Variants in PPARG observed in about 807,000 individuals in gnomAD.
PPARG encodes peroxisome proliferator-activated receptor gamma.
PPARG carries 17 observed loss-of-function variants against 39.2 expected under a neutral mutation model. The ratio of observed to expected loss-of-function variants is 0.43; its 90% CI spans 0.30 to 0.65. The LOEUF (loss-of-function observed/expected upper bound fraction) is 0.65. PPARG is among the 30% of genes least tolerant of loss of function. The probability of loss-of-function intolerance (pLI) is 0.13; values close to 1 mark genes in which losing one functional copy is unlikely to be tolerated. For missense variants in PPARG, 406 were observed against 585.9 expected, an observed-to-expected ratio of 0.69 and a Z score of 3.17; for synonymous variants, 223 against 215.7, an observed-to-expected ratio of 1.03 and a Z score of -0.30.
intron 1 of PPARG, among the ~76,000 whole-genome samples, chr3:12,312,115 C>A (rs1436843273): frequency 2.0e-5 from 3 of 152,170 alleles, no homozygotes; most frequent in Non-Finnish European, 4.4e-5. Flanking sequence ...TGAAGTGATT[C>A]TAATAGATGT....
At chr3:12,373,002 G>T (rs1261120382) in intron 2 of PPARG, among the ~76,000 whole-genome samples, 1 of 152,158 alleles carries the variant, frequency 6.6e-6, no homozygotes, top group Non-Finnish European at 1.5e-5. Flanking sequence ...ACCAGCTAGG[G>T]AGTTAAGACA....
At chr3:12,330,302 TAAAA>T (rs67976990) in intron 2 of PPARG, among the ~76,000 whole-genome samples, 2 of 121,052 alleles carry the variant, frequency 1.7e-5, no homozygotes, top group Non-Finnish European at 3.3e-5. Context: ...CACCTTTTTT[TAAAA>T]AAAAAAAAAA....
chr3:12,413,323 A>C (rs1277647319), intron 6 of PPARG, among the ~76,000 whole-genome samples: 3 of 152,234 alleles, frequency 2.0e-5, no homozygotes, highest in Admixed American at 6.5e-5. Context: ...AGGCCCACCC[A>C]GGGATCACTC....
chr3:12,417,973 A>G (rs1428192205), intron 7 of PPARG, among the ~76,000 whole-genome samples: 1 of 124,372 alleles, frequency 8.0e-6, no homozygotes, highest in Non-Finnish European at 1.6e-5. Flanking sequence ...GCAGTTGCAC[A>G]GTCATAGCTC....
At chr3:12,426,989 A>C (rs1050244761) in intron 7 of PPARG, among the ~76,000 whole-genome samples, 3 of 152,230 alleles carry the variant, frequency 2.0e-5, no homozygotes, top group African/African-American at 7.2e-5. Context: ...CAGGCAAGTG[A>C]ATCAGAATCT....
At chr3:12,334,182 TA>T (rs1040661732) in intron 2 of PPARG, among the ~76,000 whole-genome samples, 2 of 151,554 alleles carry the variant, frequency 1.3e-5, no homozygotes, top group African/African-American at 4.8e-5. Context: ...CCTGATTTAC[TA>T]AAAAAAAGTT....
chr3:12,309,773 C>G (rs1400546342), intron 1 of PPARG, among the ~76,000 whole-genome samples: 1 of 152,108 alleles, frequency 6.6e-6, no homozygotes, highest in African/African-American at 2.4e-5. Flanking sequence ...GTAAACTGCC[C>G]TTGGCCTGCC....
At chr3:12,359,901 G>C (rs186713865) in intron 2 of PPARG, among the ~76,000 whole-genome samples, 19 of 152,064 alleles carry the variant, frequency 1.2e-4, no homozygotes, top group Admixed American at 1.2e-3. Context: ...TCAAACTCCT[G>C]ATCTCAAGTG....
At position 12,433,886 on chromosome 3, in the gene PPARG, G is replaced by T; in HGVS notation, c.1181-12G>T. On this transcript the variant is annotated splice_polypyrimidine_tract_variant and intron_variant, in intron 7 of 7. Coordinates refer to ENST00000651735, the MANE Select transcript of PPARG (RefSeq NM_138711.6). ...GAACCCCCTGTTGTGTTTTCCATAT[G>T]TGCTTCCCCAGACCGCCCAGGTTTG... 1 of 1,613,962 alleles carries T rather than the reference G, an allele frequency of 6.2e-7. No individual in the cohort carries two copies. The highest frequency in any genetic ancestry group is 1.1e-5 in the South Asian group (1 of 91,062).
intron 1 of PPARG, among the ~76,000 whole-genome samples, chr3:12,311,881 T>C (rs1156620226): frequency 1.3e-5 from 2 of 152,232 alleles, no homozygotes; most frequent in African/African-American, 4.8e-5. Flanking sequence ...AACTGTACTG[T>C]CACCTTAGGC....
chr3:12,297,505 C>T (rs1200868004), intron 1 of PPARG, among the ~76,000 whole-genome samples: 1 of 151,914 alleles, frequency 6.6e-6, no homozygotes, highest in Non-Finnish European at 1.5e-5. Context: ...GTCTGTGCTT[C>T]TGATAGTAAA....
At chr3:12,314,052 G>A (rs1368815274) in intron 2 of PPARG, among the ~76,000 whole-genome samples, 6 of 152,106 alleles carry the variant, frequency 3.9e-5, no homozygotes, top group East Asian at 1.9e-4. Flanking sequence ...TGAGGTGGGC[G>A]GATCATTTGA....
chr3:12,312,022 A>G (rs1441814577), intron 1 of PPARG, among the ~76,000 whole-genome samples: 3 of 152,220 alleles, frequency 2.0e-5, no homozygotes, highest in African/African-American at 4.8e-5. Flanking sequence ...AAGTCTGTGC[A>G]GTAATAGAGG....
At chr3:12,325,163 C>T (rs1344573607) in intron 2 of PPARG, among the ~76,000 whole-genome samples, 2 of 151,916 alleles carry the variant, frequency 1.3e-5, no homozygotes, top group Non-Finnish European at 2.9e-5. Flanking sequence ...TGGCTCACAC[C>T]TGTAATCCCA....
chr3:12,362,391 C>G (rs564693423), intron 2 of PPARG, among the ~76,000 whole-genome samples: 14 of 152,048 alleles, frequency 9.2e-5, no homozygotes, highest in African/African-American at 3.1e-4. Context: ...TGGTGGCATG[C>G]CCCTGTAATC....
intron 5 of PPARG, among the ~76,000 whole-genome samples, chr3:12,401,216 A>G (rs1365565927): frequency 6.6e-6 from 1 of 152,238 alleles, no homozygotes; most frequent in Non-Finnish European, 1.5e-5. Context: ...GATTCTCCAC[A>G]TGAAGGGTAG....
At chr3:12,307,497 A>G (rs1009559868) in intron 1 of PPARG, among the ~76,000 whole-genome samples, 1 of 138,716 alleles carries the variant, frequency 7.2e-6, no homozygotes, top group Non-Finnish European at 1.6e-5. Context: ...GTTTTTATGA[A>G]AAAGAATTAG....
intron 2 of PPARG, among the ~76,000 whole-genome samples, chr3:12,342,588 G>A (rs1381922491): frequency 6.6e-6 from 1 of 152,260 alleles, no homozygotes; most frequent in South Asian, 2.1e-4. Context: ...TACACATGCT[G>A]TATGTATGTG....
intron 2 of PPARG, among the ~76,000 whole-genome samples, chr3:12,314,125 A>C (rs1011962119): frequency 3.3e-5 from 5 of 152,056 alleles, no homozygotes; most frequent in African/African-American, 1.2e-4. Context: ...AAAAATATAA[A>C]AATTAGCTGG....
Sources: allele counts gnomAD v4.1 joint callset (sites outside exome capture counted in the v4.1 genomes callset), GRCh38; gene constraint gnomAD v4.1.1; transcripts MANE v1.5; gene names NCBI Gene and HGNC (gene_info 2026-07-23, HGNC 2026-07-21).